ASIC2: variants seen among roughly 807,000 people sequenced by gnomAD.
ASIC2 encodes acid sensing ion channel subunit 2, also known as acid-sensing ion channel 2.
ASIC2 carries 25 observed loss-of-function variants against 57.3 expected under a neutral mutation model. The ratio of observed to expected loss-of-function variants is 0.44; its 90% CI spans 0.32 to 0.61. The LOEUF (loss-of-function observed/expected upper bound fraction) is 0.61, where lower values mean the gene tolerates loss of function less well. ASIC2 is among the 20% of genes least tolerant of loss of function. The pLI, the probability that ASIC2 is intolerant of heterozygous loss-of-function variation, is 0.06. For synonymous variants in ASIC2, 319 were observed against 307.5 expected (o/e 1.04, Z -0.39); for missense variants, 641 against 738.1 (o/e 0.87, Z 1.52).
At position 33,014,050 on chromosome 17, in the gene ASIC2, A is replaced by G; in HGVS notation, c.1607T>C (p.Met536Thr). 1.2e-6 allele frequency: 2 copies of G among 1,600,736 alleles called. No individual in the cohort carries two copies. The highest frequency in any genetic ancestry group is 1.7e-6 in the Non-Finnish European group (2 of 1,173,182). The change falls in exon 10 of 10, where the codon ATG becomes ACG. Residue 536 changes from methionine (M) to threonine (T), a missense_variant. Coordinates refer to ENST00000225823, the MANE Select transcript of ASIC2 (RefSeq NM_183377.2). ...ACTGATGGTTTCAGAGTGGTTTGGCATTGTGTCACAAGTACTCTGGAAGGG... is the reference window on the plus strand; with the variant it reads ...ACTGATGGTTTCAGAGTGGTTTGGCGTTGTGTCACAAGTACTCTGGAAGGG... ...HDENVSTCDT[M>T]PNHSETISHT...
At chr17:33,515,824 G>A (rs780142892) in intron 1 of ASIC2, among the ~76,000 whole-genome samples, 6 of 152,300 alleles carry the variant, frequency 3.9e-5, no homozygotes, top group South Asian at 4.1e-4. Context: ...GGCCGGGTGC[G>A]GTGGCTCACG....
intron 1 of ASIC2, among the ~76,000 whole-genome samples, chr17:33,836,083 C>CACACAT (rs1555565428): frequency 6.8e-6 from 1 of 146,102 alleles, no homozygotes; most frequent in Non-Finnish European, 1.5e-5. Flanking sequence ...CACACACACA[C>CACACAT]ATATATAATT....
intron 1 of ASIC2, among the ~76,000 whole-genome samples, chr17:33,408,826 G>C (rs1910557347): frequency 6.6e-6 from 1 of 152,194 alleles, no homozygotes; most frequent in Admixed American, 6.5e-5. Flanking sequence ...GGGGAACGAG[G>C]GGAGCCACAG....
At chr17:33,050,695 C>T (rs1433769078) in intron 3 of ASIC2, among the ~76,000 whole-genome samples, 1 of 152,098 alleles carries the variant, frequency 6.6e-6, no homozygotes, top group Non-Finnish European at 1.5e-5. Flanking sequence ...GAGGAAATCC[C>T]GGGTGCTCAC....
chr17:33,187,738 C>T lies in ASIC2; in HGVS notation c.709-75671G>A, dbSNP rs1906251780. Among the ~76,000 whole-genome samples the T allele has an allele frequency of 5.9e-5, 9 of 152,026 alleles. No homozygotes were observed. In the South Asian group the frequency reaches 1.9e-3, roughly 32 times the overall value. ...AAAACAGAAGGGGGCTGGATTTGTCCTGCAGAGTATAGTTTGCTGATCCTT... is the reference window on the plus strand; with the variant it reads ...AAAACAGAAGGGGGCTGGATTTGTCTTGCAGAGTATAGTTTGCTGATCCTT... On this transcript the variant is annotated intron_variant, in intron 1 of 9. Coordinates refer to ENST00000225823, the MANE Select transcript of ASIC2 (RefSeq NM_183377.2).
At chr17:34,107,473 T>A (rs1911103469) in intron 1 of ASIC2, among the ~76,000 whole-genome samples, 1 of 152,170 alleles carries the variant, frequency 6.6e-6, no homozygotes, top group South Asian at 2.1e-4. Flanking sequence ...CACGCCACTG[T>A]ACCCCAGCAT....
rs1208336448 is a variant in ASIC2, at chr17:33,128,262, G to A, written c.709-16195C>T. ...CCTACTTGAACTTCAAATCTCAGCT[G>A]GCTCTTCCAAACCAAGGTCAAGTCT... On this transcript the variant is annotated intron_variant, in intron 1 of 9. Transcript: ENST00000225823. Among the ~76,000 whole-genome samples, 4 of 152,088 alleles carry A rather than the reference G, an allele frequency of 2.6e-5. 1 individual carries two copies. Among genetic ancestry groups the A allele is most frequent in the Admixed American group, 2.6e-4 (4 of 15,274 alleles).
At chr17:33,539,583 C>T (rs1359551167) in intron 1 of ASIC2, among the ~76,000 whole-genome samples, 1 of 152,254 alleles carries the variant, frequency 6.6e-6, no homozygotes, top group Non-Finnish European at 1.5e-5. Flanking sequence ...AACCATCGTG[C>T]ATCACCACAT....
chr17:33,686,499 TTC>T (rs934184247), intron 1 of ASIC2, among the ~76,000 whole-genome samples: 4 of 152,246 alleles, frequency 2.6e-5, no homozygotes, highest in African/African-American at 9.6e-5. Flanking sequence ...TGTGCTTAAT[TTC>T]TCTCTCTCCT....
intron 1 of ASIC2, among the ~76,000 whole-genome samples, chr17:33,329,837 T>C (rs1278832922): frequency 6.6e-6 from 1 of 152,190 alleles, no homozygotes; most frequent in Non-Finnish European, 1.5e-5. Flanking sequence ...TATCAAGAAC[T>C]ATACCCAGGT....
chr17:33,438,341 T>C lies in ASIC2; in HGVS notation c.556-326274A>G, dbSNP rs1293152309. Among the ~76,000 whole-genome samples, 5 of 152,200 alleles carry C rather than the reference T, an allele frequency of 3.3e-5. No homozygotes were observed. In the East Asian group the frequency reaches 7.7e-4, roughly 23 times the overall value. ...GCTGTTCAATGATTGTGCAAGCCCA[T>C]GGGACAACAAAGCTTCGTTACATAG... On this transcript the variant is annotated intron_variant, in intron 1 of 9. Coordinates refer to the ASIC2 transcript ENST00000359872.
chr17:33,252,617 G>T (rs961133800), intron 1 of ASIC2, among the ~76,000 whole-genome samples: 1 of 152,028 alleles, frequency 6.6e-6, no homozygotes, highest in Non-Finnish European at 1.5e-5. Context: ...TGCTGTTCAC[G>T]TAGTGCAACT....
rs150539025 is a variant in ASIC2, at chr17:33,964,459, G to C, written c.555+191519C>G. 2.5e-3 allele frequency among the ~76,000 whole-genome samples: 374 copies of C among 152,334 alleles called. 4 individuals are homozygous for C. Among genetic ancestry groups the C allele is most frequent in the African/African-American group, 8.6e-3 (359 of 41,574 alleles). Reference sequence around the variant, plus strand: ...GCTACAAAGGACTCCCAGTCCCTCAGAGTCAAGGACCATGGTAAAATGAGG... The same window carrying C: ...GCTACAAAGGACTCCCAGTCCCTCACAGTCAAGGACCATGGTAAAATGAGG... On this transcript the variant is annotated intron_variant, in intron 1 of 9. Transcript: ENST00000359872.
At chr17:33,837,450 C>T (rs2141905400) in intron 1 of ASIC2, among the ~76,000 whole-genome samples, 1 of 152,364 alleles carries the variant, frequency 6.6e-6, no homozygotes, top group East Asian at 1.9e-4. Flanking sequence ...ATAGTGCTCA[C>T]TGTAATTTAG....
At chr17:33,368,156 T>C (rs2141936471) in intron 1 of ASIC2, among the ~76,000 whole-genome samples, 1 of 152,332 alleles carries the variant, frequency 6.6e-6, no homozygotes, top group Admixed American at 6.5e-5. Flanking sequence ...CTTTGATCAA[T>C]GGGATACAGT....
chr17:33,342,441 T>C (rs543741185), intron 1 of ASIC2, among the ~76,000 whole-genome samples: 1 of 152,224 alleles, frequency 6.6e-6, no homozygotes, highest in South Asian at 2.1e-4. Flanking sequence ...TAAGTCTATA[T>C]GAGTTCACAT....
chr17:33,853,444 G>T (rs1913828859), intron 1 of ASIC2, among the ~76,000 whole-genome samples: 2 of 152,176 alleles, frequency 1.3e-5, no homozygotes, highest in African/African-American at 2.4e-5. Context: ...CAGGGCCAAA[G>T]GGTTCACAAA....
intron 1 of ASIC2, among the ~76,000 whole-genome samples, chr17:33,500,683 T>C (rs1010438266): frequency 3.3e-4 from 51 of 152,354 alleles, no homozygotes; most frequent in African/African-American, 1.1e-3. Flanking sequence ...AGGGAATATG[T>C]GGGCAACGTT....
At chr17:33,581,791 G>C (rs1904450717) in intron 1 of ASIC2, among the ~76,000 whole-genome samples, 1 of 152,202 alleles carries the variant, frequency 6.6e-6, no homozygotes, top group South Asian at 2.1e-4. Context: ...CCCATCGAAG[G>C]CACTCTCCCT....
Sources: allele counts gnomAD v4.1 joint callset (sites outside exome capture counted in the v4.1 genomes callset), GRCh38; gene constraint gnomAD v4.1.1; transcripts MANE v1.5; gene names NCBI Gene and HGNC (gene_info 2026-07-23, HGNC 2026-07-21).